JAKMIP1: variants seen among roughly 807,000 people sequenced by gnomAD.
The protein encoded by JAKMIP1 is janus kinase and microtubule-interacting protein 1.
JAKMIP1 carries 33 observed loss-of-function variants against 113.0 expected under a neutral mutation model. That is an observed-to-expected ratio of 0.29 (90% CI 0.22 to 0.39). JAKMIP1 has a LOEUF of 0.39. Ranked by LOEUF, JAKMIP1 falls within the 10% of genes least tolerant of loss-of-function variation. The probability of loss-of-function intolerance (pLI) is 1.00; values close to 1 mark genes in which losing one functional copy is unlikely to be tolerated. For missense variants in JAKMIP1, 813 were observed against 1,080.5 expected (o/e 0.75, Z 3.47); for synonymous variants, 480 against 459.9 (o/e 1.04, Z -0.56).
Position 6,153,285 on chromosome 4 carries a change from G to A in JAKMIP1, c.-147-40288C>T, listed in dbSNP as rs1428778159. 6.6e-6 allele frequency among the ~76,000 whole-genome samples: 1 copy of A among 152,176 alleles called. No homozygotes were observed. The highest frequency in any genetic ancestry group is 1.5e-5 in the Non-Finnish European group (1 of 68,024). On this transcript the variant is annotated intron_variant, in intron 1 of 20. Coordinates refer to ENST00000409021, the MANE Select transcript of JAKMIP1 (RefSeq NM_001099433.2). The surrounding 1 kb of genome is among the most constrained non-coding windows in gnomAD (Gnocchi z 4.9). The stretch of plus-strand genomic sequence containing the variant: ...AGCCTCAGCTCCAGGGGTCTTCCCC[G>A]AGCCTGGCCTCCTTCACACAGGCCT...
chr4:6,037,556 C>A (rs1260742094), intron 18 of JAKMIP1, among the ~76,000 whole-genome samples: 1 of 147,454 alleles, frequency 6.8e-6, no homozygotes, highest in Non-Finnish European at 1.5e-5. Context: ...AACCGGTATC[C>A]CTCCATCACC....
At chr4:6,121,033 C>A (rs1027076965) in intron 1 of JAKMIP1, among the ~76,000 whole-genome samples, 33 of 152,034 alleles carry the variant, frequency 2.2e-4, no homozygotes, top group African/African-American at 8.0e-4. Flanking sequence ...AATCCTGTCT[C>A]TACTAAAAAT....
Position 6,154,859 on chromosome 4 carries a change from G to T in JAKMIP1, c.-147-41862C>A, listed in dbSNP as rs1356736986. Reference sequence around the variant, plus strand: ...GGGAAGCTCCTATTCATTCCTCGAAGGCCTATTCATCCATCGCCTCCCACA... The same window carrying T: ...GGGAAGCTCCTATTCATTCCTCGAATGCCTATTCATCCATCGCCTCCCACA... On this transcript the variant is annotated intron_variant, in intron 1 of 20. Transcript: ENST00000409021. The surrounding 1 kb of genome is among the most constrained non-coding windows in gnomAD (Gnocchi z 4.2). 6.6e-6 allele frequency among the ~76,000 whole-genome samples: 1 copy of T among 152,004 alleles called. No homozygotes were observed. The highest frequency in any genetic ancestry group is 1.5e-5 in the Non-Finnish European group (1 of 68,008).
intron 5 of JAKMIP1, 107 bp downstream of exon 5, chr4:6,084,739 G>T: frequency 8.6e-7 from 1 of 1,168,788 alleles, no homozygotes; most frequent in South Asian, 2.3e-5. Flanking sequence ...AAAGTTCAGA[G>T]AACCAGAAGG....
Position 6,192,841 on chromosome 4 carries a change from C to A in JAKMIP1, c.-148+7412G>T, listed in dbSNP as rs1727419637. ...TGGGAACCAGGGGCACAGCCGCTAT[C>A]TGGGACAGTCAAAGACCTCCCCAAG... On this transcript the variant is annotated intron_variant, in intron 1 of 20. Transcript: ENST00000409021. This position sits in a 1 kb window ranked among gnomAD's most constrained non-coding sequence, Gnocchi z 5.0. 6.6e-6 allele frequency among the ~76,000 whole-genome samples: 1 copy of A among 152,184 alleles called. No homozygotes were observed.
intron 1 of JAKMIP1, among the ~76,000 whole-genome samples, chr4:6,160,851 C>G (rs1722817323): frequency 6.6e-6 from 1 of 150,592 alleles, no homozygotes. Context: ...CTCCCCTGAC[C>G]AACTGACCTC....
Position 6,094,148 on chromosome 4 carries a change from T to C in JAKMIP1, c.625-8519A>G, listed in dbSNP as rs1226240530. 6.6e-6 allele frequency among the ~76,000 whole-genome samples: 1 copy of C among 151,886 alleles called. No individual in the cohort carries two copies. The highest frequency in any genetic ancestry group is 1.5e-5 in the Non-Finnish European group (1 of 68,002). On this transcript the variant is annotated intron_variant, in intron 3 of 20. Transcript: ENST00000409021. This position sits in a 1 kb window ranked among gnomAD's most constrained non-coding sequence, Gnocchi z 4.2. Reference sequence around the variant, plus strand: ...GGAACATGCATCGAACACATGCCACTGTCAGTTCATGAGTTTTAAAAACAA... The same window carrying C: ...GGAACATGCATCGAACACATGCCACCGTCAGTTCATGAGTTTTAAAAACAA...
At chr4:6,036,212 G>A in intron 18 of JAKMIP1, 105 bp from the exon 19 acceptor site, 1 of 861,186 alleles carries the variant, frequency 1.2e-6, no homozygotes, top group Non-Finnish European at 1.8e-6. Flanking sequence ...GGGGGTTTCG[G>A]GCAGGGAGGG....
chr4:6,030,129 C>G (rs189677252), intron 19 of JAKMIP1, among the ~76,000 whole-genome samples: 41 of 152,208 alleles, frequency 2.7e-4, no homozygotes, highest in Non-Finnish European at 4.7e-4. Flanking sequence ...AACAAAACAT[C>G]GAGACTGGAC....
At chr4:6,120,463 A>G (rs1226129505) in intron 1 of JAKMIP1, among the ~76,000 whole-genome samples, 1 of 152,120 alleles carries the variant, frequency 6.6e-6, no homozygotes, top group Admixed American at 6.5e-5. Context: ...TAACCTCAGG[A>G]CCCAAAAGTT....
At chr4:6,123,554 C>G (rs1338002502) in intron 1 of JAKMIP1, among the ~76,000 whole-genome samples, 1 of 152,202 alleles carries the variant, frequency 6.6e-6, no homozygotes, top group African/African-American at 2.4e-5. Context: ...GGCATGGTGG[C>G]TCAAGCCTCT....
At chr4:6,073,344 C>A (rs1719250880) in intron 8 of JAKMIP1, among the ~76,000 whole-genome samples, 1 of 152,212 alleles carries the variant, frequency 6.6e-6, no homozygotes, top group Non-Finnish European at 1.5e-5. Flanking sequence ...CATCCTCCAA[C>A]CCCTGGCAAC....
chr4:6,038,203 C>T (rs60044791), intron 18 of JAKMIP1, among the ~76,000 whole-genome samples: 18 of 133,586 alleles, frequency 1.3e-4, no homozygotes, highest in Admixed American at 2.2e-4. Flanking sequence ...CCTCCATCAC[C>T]GAGGCAGAGG....
At position 6,192,894 on chromosome 4, in the gene JAKMIP1, G is replaced by A. The variant is rs1427967975; in HGVS notation, c.-148+7359C>T. On this transcript the variant is annotated intron_variant, in intron 1 of 20. Transcript: ENST00000409021. This position sits in a 1 kb window ranked among gnomAD's most constrained non-coding sequence, Gnocchi z 5.0. Reference sequence around the variant, plus strand: ...GGAGAAATTTAGGCTGAGACATTGTGATGGTTAATATTGAGTGTCAACTTG... The same window carrying A: ...GGAGAAATTTAGGCTGAGACATTGTAATGGTTAATATTGAGTGTCAACTTG... Among the ~76,000 whole-genome samples, 1 of 152,204 alleles carries A rather than the reference G, an allele frequency of 6.6e-6. No homozygotes were observed. The highest frequency in any genetic ancestry group is 1.5e-5 in the Non-Finnish European group (1 of 68,042).
chr4:6,062,199 C>T (rs1717383235), intron 10 of JAKMIP1, 113 bp downstream of exon 10: 2 of 1,153,614 alleles, frequency 1.7e-6, no homozygotes, highest in Non-Finnish European at 2.6e-6. Context: ...TTCCCCACCA[C>T]CTCTCAGAAT....
At chr4:6,038,849 T>G (rs1333409714) in intron 18 of JAKMIP1, among the ~76,000 whole-genome samples, 1 of 152,170 alleles carries the variant, frequency 6.6e-6, no homozygotes, top group Non-Finnish European at 1.5e-5. Context: ...GTGGCCAGTT[T>G]CCAGATAGAA....
intron 3 of JAKMIP1, among the ~76,000 whole-genome samples, chr4:6,092,136 C>T (rs1722138200): frequency 6.6e-6 from 1 of 152,154 alleles, no homozygotes; most frequent in Non-Finnish European, 1.5e-5. Flanking sequence ...CCAGCAACAC[C>T]CTCAGTGCCT....
At chr4:6,151,498 C>T (rs951871143) in intron 1 of JAKMIP1, among the ~76,000 whole-genome samples, 1 of 152,088 alleles carries the variant, frequency 6.6e-6, no homozygotes, top group Non-Finnish European at 1.5e-5. Flanking sequence ...TGCTTGCTTA[C>T]CCACCATTCT....
In JAKMIP1 at chr4:6,184,874, G is replaced by T. The variant is rs552945084; in HGVS notation, c.-148+15379C>A. Among the ~76,000 whole-genome samples the T allele has an allele frequency of 4.1e-4, 63 of 152,312 alleles. No homozygotes were observed. Among genetic ancestry groups the T allele is most frequent in the African/African-American group, 1.5e-3 (61 of 41,558 alleles). On this transcript the variant is annotated intron_variant, in intron 1 of 20. Coordinates refer to ENST00000409021, the MANE Select transcript of JAKMIP1 (RefSeq NM_001099433.2). This position sits in a 1 kb window ranked among gnomAD's most constrained non-coding sequence, Gnocchi z 4.5. ...GGAGAGGCAGACCTGCCCTCGGTGT[G>T]GGTGGGCACCATCTCATCAGCTGCC...
Sources: allele counts gnomAD v4.1 joint callset (sites outside exome capture counted in the v4.1 genomes callset), GRCh38; gene constraint gnomAD v4.1.1; non-coding constraint Gnocchi (gnomAD v3.1); transcripts MANE v1.5; gene names NCBI Gene and HGNC (gene_info 2026-07-23, HGNC 2026-07-21).